CA13: variants seen among roughly 807,000 people sequenced by gnomAD.
CA13 encodes carbonic anhydrase 13, also known as CA-XIII.
A neutral mutation model predicts 31.5 loss-of-function variants in CA13; 21 were observed. The ratio of observed to expected loss-of-function variants is 0.67; its 90% CI spans 0.47 to 0.96. The LOEUF is 0.96. Ranked by LOEUF, CA13 falls within the 40% of genes least tolerant of loss-of-function variation. CA13 has a pLI of 0.00. For synonymous variants in CA13, 117 were observed against 111.4 expected (o/e 1.05, Z -0.32); for missense variants, 315 against 318.9 (o/e 0.99, Z 0.09).
Position 85,247,448 on chromosome 8 carries a change from C to T in CA13, c.37+1583C>T, listed in dbSNP as rs144416915. Among the ~76,000 whole-genome samples, 268 of 152,252 alleles carry T rather than the reference C, an allele frequency of 1.8e-3. 1 individual carries two copies. In the East Asian group the frequency reaches 0.034, roughly 19 times the overall value. Reference sequence around the variant, plus strand: ...TTGTTCTGTTAGGAATTAGCCATTCCTTTCTTTTAGATGCGATCTCTCTCT... The same window carrying T: ...TTGTTCTGTTAGGAATTAGCCATTCTTTTCTTTTAGATGCGATCTCTCTCT... On this transcript the variant is annotated intron_variant, in intron 1 of 6. Transcript: ENST00000321764.
intron 3 of CA13, 40 bp downstream of exon 3, chr8:85,259,579 C>G (rs758523806): frequency 6.4e-7 from 1 of 1,552,666 alleles, no homozygotes; most frequent in Admixed American, 1.7e-5. Flanking sequence ...AGTTTTCCCA[C>G]ATGGTGGAAT....
chr8:85,277,992 G>C (rs1217721926), intron 6 of CA13, among the ~76,000 whole-genome samples: 1 of 151,958 alleles, frequency 6.6e-6, no homozygotes, highest in Admixed American at 6.6e-5. Context: ...TTCAGGCCCC[G>C]GGGGAGAATC....
At chr8:85,280,235 C>G (rs1390826693) in intron 6 of CA13, among the ~76,000 whole-genome samples, 5 of 152,146 alleles carry the variant, frequency 3.3e-5, no homozygotes, top group African/African-American at 1.2e-4. Context: ...AGCCGAGATT[C>G]TGCCATTGCA....
At chr8:85,248,958 T>C (rs1397097291) in intron 1 of CA13, among the ~76,000 whole-genome samples, 1 of 152,186 alleles carries the variant, frequency 6.6e-6, no homozygotes, top group East Asian at 1.9e-4. Context: ...CTAGGTTATA[T>C]ATAGAAAAAG....
chr8:85,268,739 CT>C, intron 6 of CA13, 112 bp downstream of exon 6: 1 of 891,504 alleles, frequency 1.1e-6, no homozygotes, highest in Non-Finnish European at 1.6e-6. Flanking sequence ...TCTGTTTTCT[CT>C]TTATTCATCA....
chr8:85,257,401 T>G (rs1323767062), intron 2 of CA13, among the ~76,000 whole-genome samples: 3 of 152,082 alleles, frequency 2.0e-5, no homozygotes, highest in African/African-American at 7.2e-5. Context: ...ATGGCCAGGG[T>G]TAGCAAATTA....
intron 6 of CA13, among the ~76,000 whole-genome samples, chr8:85,280,606 T>C (rs112448381): frequency 0.024 from 3,646 of 152,310 alleles, 150 homozygotes; most frequent in African/African-American, 0.083. Context: ...TTTTCTTTTA[T>C]TAATTGACAG....
In CA13 at chr8:85,268,502, C is replaced by T. The variant is rs763944998; in HGVS notation, c.544C>T (p.Leu182=). The change falls in exon 6 of 7, where the codon CTA becomes TTA. Residue 182 remains leucine, a synonymous_variant. Transcript: ENST00000321764. ...ACAAACTCGATTCACAAATTTTGAC[C>T]TATTGTCTCTGCTTCCACCATCCTG... ...GKQTRFTNFD[L]LSLLPPSWDY... The T allele has an allele frequency of 6.2e-7, 1 of 1,614,038 alleles. No individual in the cohort carries two copies. Among genetic ancestry groups the T allele is most frequent in the Non-Finnish European group, 8.5e-7 (1 of 1,179,986 alleles).
At chr8:85,271,927 C>T (rs570069530) in intron 6 of CA13, among the ~76,000 whole-genome samples, 36 of 152,034 alleles carry the variant, frequency 2.4e-4, no homozygotes, top group African/African-American at 6.5e-4. Flanking sequence ...AAATTAGCCA[C>T]GCATGGTGGT....
At chr8:85,246,667 T>C in intron 1 of CA13, 1 of 360,748 alleles carries the variant, frequency 2.8e-6, no homozygotes. Flanking sequence ...TTCTTGTTCC[T>C]ACGTTAAACT....
At position 85,278,434 on chromosome 8, in the gene CA13, C is replaced by T. The variant is rs189550276; in HGVS notation, c.670-2796C>T. ...CAAAACTGGCTTAGAGTGAGACATG[C>T]GTGTGGACATAATAGATCCATCTAG... On this transcript the variant is annotated intron_variant, in intron 6 of 6. Transcript: ENST00000321764. 1.6e-3 allele frequency among the ~76,000 whole-genome samples: 240 copies of T among 152,136 alleles called. 2 individuals are homozygous for T. The highest frequency in any genetic ancestry group is 5.6e-3 in the African/African-American group (232 of 41,494).
chr8:85,277,049 A>G (rs1807621868), intron 6 of CA13, among the ~76,000 whole-genome samples: 1 of 152,314 alleles, frequency 6.6e-6, no homozygotes, highest in East Asian at 1.9e-4. Context: ...CTGTCAAAAT[A>G]GACCACTCGG....
intron 6 of CA13, among the ~76,000 whole-genome samples, chr8:85,278,430 C>T (rs922330396): frequency 6.6e-6 from 1 of 152,100 alleles, no homozygotes; most frequent in African/African-American, 2.4e-5. Flanking sequence ...TAGAGTGAGA[C>T]ATGCGTGTGG....
intron 5 of CA13, 88 bp downstream of exon 5, chr8:85,268,052 C>A: frequency 2.5e-6 from 2 of 813,570 alleles, no homozygotes; most frequent in Non-Finnish European, 3.8e-6. Context: ...ACATATGCTG[C>A]CTGCTTTGAA....
rs1401477889 is a variant in CA13, at chr8:85,281,810, G to A, written c.*461G>A. On this transcript the variant is annotated 3_prime_UTR_variant, in exon 7 of 7. Coordinates refer to ENST00000321764, the MANE Select transcript of CA13 (RefSeq NM_198584.3). ...TGGGATTTCAGGCATGGGTCATCAA[G>A]CCCAGCTGACCCAGAGCTCTTTACT... The A allele has an allele frequency of 5.2e-5, 8 of 153,460 alleles. No homozygotes were observed. The highest frequency in any genetic ancestry group is 5.1e-4 in the Admixed American group (8 of 15,556). The allele number at this position is 153,460 out of a possible 1,614,324, so 9.5% of individuals were successfully genotyped here.
intron 5 of CA13, 76 bp from the exon 6 acceptor site, chr8:85,268,396 A>T: frequency 8.2e-7 from 1 of 1,219,158 alleles, no homozygotes; most frequent in Non-Finnish European, 1.2e-6. Context: ...TAATGGAAGT[A>T]CATGGATGTA....
chr8:85,248,425 C>T (rs1426330369), intron 1 of CA13, among the ~76,000 whole-genome samples: 2 of 151,000 alleles, frequency 1.3e-5, no homozygotes, highest in African/African-American at 4.9e-5. Flanking sequence ...CCATTGCACT[C>T]CGGCCTGGGC....
intron 6 of CA13, among the ~76,000 whole-genome samples, chr8:85,274,733 T>G (rs1564004958): frequency 6.6e-6 from 1 of 152,152 alleles, no homozygotes; most frequent in Non-Finnish European, 1.5e-5. Context: ...GTAGTCTAAT[T>G]GTTCTATTTA....
rs1807699662 is a variant in CA13, at chr8:85,281,221, C to T, written c.670-9C>T. Reference sequence around the variant, plus strand: ...CTATGCTGAAGCTAACTCTTTTCTTCTTCTACAGCTGGCCAAATTTCGCAG... The same window carrying T: ...CTATGCTGAAGCTAACTCTTTTCTTTTTCTACAGCTGGCCAAATTTCGCAG... On this transcript the variant is annotated splice_polypyrimidine_tract_variant and intron_variant, in intron 6 of 6. Coordinates refer to ENST00000321764, the MANE Select transcript of CA13 (RefSeq NM_198584.3). 1.2e-6 allele frequency: 2 copies of T among 1,611,560 alleles called. No homozygotes were observed. Among genetic ancestry groups the T allele is most frequent in the Non-Finnish European group, 1.7e-6 (2 of 1,178,352 alleles).
Sources: allele counts gnomAD v4.1 joint callset (sites outside exome capture counted in the v4.1 genomes callset), GRCh38; gene constraint gnomAD v4.1.1; transcripts MANE v1.5; gene names NCBI Gene and HGNC (gene_info 2026-07-23, HGNC 2026-07-21).